ASTN2: variants seen among roughly 807,000 people sequenced by gnomAD.
ASTN2 encodes astrotactin-2.
ASTN2 carries 54 observed loss-of-function variants against 139.8 expected under a neutral mutation model. The ratio of observed to expected loss-of-function variants is 0.39; its 90% CI spans 0.31 to 0.48. ASTN2 has a LOEUF of 0.48. Ranked by LOEUF, ASTN2 falls within the 20% of genes least tolerant of loss-of-function variation. ASTN2 has a pLI of 0.95. For missense variants in ASTN2, 1,565 were observed against 1,725.1 expected, an observed-to-expected ratio of 0.91 and a Z score of 1.64; for synonymous variants, 756 against 719.5, an observed-to-expected ratio of 1.05 and a Z score of -0.81.
At chr9:116,651,028 G>T (rs551146664) in intron 17 of ASTN2, among the ~76,000 whole-genome samples, 2 of 151,604 alleles carry the variant, frequency 1.3e-5, no homozygotes, top group South Asian at 4.2e-4. Flanking sequence ...CAATTCTCCT[G>T]CCTCAGCCTC....
At chr9:117,044,971 A>G (rs1174297353) in intron 5 of ASTN2, among the ~76,000 whole-genome samples, 1 of 152,200 alleles carries the variant, frequency 6.6e-6, no homozygotes, top group African/African-American at 2.4e-5. Context: ...TGTATGTTAC[A>G]GAGATTGGAT....
chr9:116,474,236 C>T (rs560772879), intron 20 of ASTN2, among the ~76,000 whole-genome samples: 96 of 152,248 alleles, frequency 6.3e-4, no homozygotes, highest in South Asian at 1.2e-3. Context: ...TAGGCTATAA[C>T]GGAGGTGAAG....
chr9:116,797,271 T>A lies in ASTN2; in HGVS notation c.2396+8361A>T, dbSNP rs10983352. ...ACAGCTTTTTATATGTCAATTATAC[T>A]TTAATAAAGTGGTTTGAAAAAAGAA... is the stretch of plus-strand genomic sequence containing the variant. On this transcript the variant is annotated intron_variant, in intron 13 of 22. Coordinates refer to ENST00000313400, the MANE Select transcript of ASTN2 (RefSeq NM_001365068.1). 2.9e-3 allele frequency among the ~76,000 whole-genome samples: 446 copies of A among 152,226 alleles called. 2 individuals carry two copies. Among genetic ancestry groups the A allele is most frequent in the South Asian group, 0.015 (73 of 4,814 alleles).
At chr9:116,558,164 C>A (rs1011608751) in intron 19 of ASTN2, among the ~76,000 whole-genome samples, 1 of 152,290 alleles carries the variant, frequency 6.6e-6, no homozygotes. Flanking sequence ...ACAGCCCCCA[C>A]CCCATCTTGA....
intron 10 of ASTN2, among the ~76,000 whole-genome samples, chr9:116,938,274 A>G (rs556285223): frequency 6.6e-6 from 1 of 152,300 alleles, no homozygotes; most frequent in East Asian, 1.9e-4. Context: ...GAAGGATGCT[A>G]ATACAATCCT....
At chr9:116,756,109 T>C (rs1485295849) in intron 13 of ASTN2, among the ~76,000 whole-genome samples, 7 of 152,222 alleles carry the variant, frequency 4.6e-5, no homozygotes. Flanking sequence ...TTCAGATAAA[T>C]ATTGTTTGGG....
intron 2 of ASTN2, among the ~76,000 whole-genome samples, chr9:117,238,160 G>A (rs1340827973): frequency 1.3e-5 from 2 of 152,170 alleles, no homozygotes; most frequent in Non-Finnish European, 2.9e-5. Context: ...GGAAGGAAGG[G>A]CAAAGACCCA....
chr9:117,132,679 T>C (rs769300333), intron 4 of ASTN2, among the ~76,000 whole-genome samples: 10 of 152,180 alleles, frequency 6.6e-5, no homozygotes, highest in Non-Finnish European at 1.5e-4. Flanking sequence ...TCAGCTTTCT[T>C]ATGTCTCAGT....
chr9:117,327,941 C>A (rs1106100), intron 1 of ASTN2, among the ~76,000 whole-genome samples: 10,375 of 152,174 alleles, frequency 0.068, 510 homozygotes, highest in Non-Finnish European at 0.098. Context: ...CTAGTAAGTG[C>A]TCAATAACTG....
At chr9:117,003,463 A>G (rs1837247284) in intron 7 of ASTN2, among the ~76,000 whole-genome samples, 1 of 150,658 alleles carries the variant, frequency 6.6e-6, no homozygotes, top group Non-Finnish European at 1.5e-5. Flanking sequence ...GGGCGGCAGT[A>G]GAATCAGCCA....
chr9:116,737,369 C>T (rs1234259409), intron 13 of ASTN2, among the ~76,000 whole-genome samples: 2 of 152,118 alleles, frequency 1.3e-5, no homozygotes, highest in Non-Finnish European at 2.9e-5. Flanking sequence ...AGAACCCACC[C>T]ACCTGGGAGA....
At chr9:116,814,110 G>A (rs1831244520) in intron 12 of ASTN2, among the ~76,000 whole-genome samples, 1 of 151,794 alleles carries the variant, frequency 6.6e-6, no homozygotes, top group Non-Finnish European at 1.5e-5. Context: ...TGCACAACAG[G>A]TAGACTTGGA....
chr9:117,021,890 A>G (rs1464267238), intron 6 of ASTN2, among the ~76,000 whole-genome samples: 1 of 152,196 alleles, frequency 6.6e-6, no homozygotes, highest in Admixed American at 6.5e-5. Flanking sequence ...AGCTATTCTT[A>G]CACTATTTCT....
At chr9:117,306,988 A>C (rs1039904455) in intron 1 of ASTN2, among the ~76,000 whole-genome samples, 1 of 152,228 alleles carries the variant, frequency 6.6e-6, no homozygotes, top group Admixed American at 6.5e-5. Flanking sequence ...CATTGGGAAC[A>C]TTGGGAGTGA....
At chr9:116,488,088 G>A (rs1037822650) in intron 19 of ASTN2, among the ~76,000 whole-genome samples, 1 of 152,140 alleles carries the variant, frequency 6.6e-6, no homozygotes, top group African/African-American at 2.4e-5. Context: ...CCATGTACAG[G>A]ATGTACATGA....
intron 3 of ASTN2, among the ~76,000 whole-genome samples, chr9:117,158,046 A>T (rs912249371): frequency 2.0e-5 from 3 of 152,074 alleles, no homozygotes; most frequent in Admixed American, 6.6e-5. Flanking sequence ...ATTTTACCTG[A>T]ATTTCCCAAT....
chr9:116,897,951 C>T (rs567532235), intron 10 of ASTN2, among the ~76,000 whole-genome samples: 43 of 152,132 alleles, frequency 2.8e-4, no homozygotes, highest in South Asian at 8.3e-4. Context: ...ACTAGATTAG[C>T]AATGACAAAT....
At chr9:117,032,013 A>G (rs1296072250) in intron 6 of ASTN2, among the ~76,000 whole-genome samples, 1 of 152,212 alleles carries the variant, frequency 6.6e-6, no homozygotes, top group Non-Finnish European at 1.5e-5. Context: ...GAGAGCCTAG[A>G]CTTAAAGCAG....
intron 10 of ASTN2, among the ~76,000 whole-genome samples, chr9:116,918,570 AT>A (rs1834516744): frequency 6.6e-6 from 1 of 151,744 alleles, no homozygotes; most frequent in Admixed American, 6.6e-5. Context: ...TTTTTTTCAT[AT>A]TTTTTCATTT....
Sources: gnomAD v4.1 joint callset for allele counts (sites outside exome capture counted in the v4.1 genomes callset) on GRCh38, gnomAD v4.1.1 for gene constraint, MANE v1.5 for transcripts, NCBI Gene and HGNC (gene_info 2026-07-23, HGNC 2026-07-21) for gene names.